GFPT1: variants seen among roughly 807,000 people sequenced by gnomAD.
GFPT1 encodes the protein glutamine--fructose-6-phosphate transaminase 1.
In GFPT1, 40 loss-of-function variants were observed where a neutral mutation model predicts 92.0. The observed-to-expected ratio is 0.43, with a 90% confidence interval of 0.34 to 0.57. GFPT1 has a LOEUF of 0.57. GFPT1 is among the 20% of genes least tolerant of loss of function. The pLI is 0.02. For synonymous variants in GFPT1, 269 were observed against 280.6 expected (o/e 0.96, Z 0.41); for missense variants, 448 against 869.1 (o/e 0.52, Z 6.09).
intron 3 of GFPT1, among the ~76,000 whole-genome samples, chr2:69,365,055 C>A (rs1671576507): frequency 1.5e-5 from 2 of 136,480 alleles, no homozygotes; most frequent in Non-Finnish European, 3.1e-5. Flanking sequence ...TATAAGCTAT[C>A]TTTTCTTGGG....
intron 12 of GFPT1, among the ~76,000 whole-genome samples, chr2:69,342,450 G>A (rs1053767436): frequency 6.6e-6 from 1 of 152,182 alleles, no homozygotes; most frequent in African/African-American, 2.4e-5. Flanking sequence ...CCCCAAACTT[G>A]TAACTGACCT....
intron 7 of GFPT1, among the ~76,000 whole-genome samples, chr2:69,356,242 C>T (rs374154884): frequency 6.6e-6 from 1 of 152,052 alleles, no homozygotes; most frequent in African/African-American, 2.4e-5. Context: ...GATCCGCCTG[C>T]CTCGACCTCC....
intron 15 of GFPT1, 63 bp downstream of exon 15, chr2:69,337,835 G>T: frequency 2.3e-6 from 3 of 1,306,854 alleles, no homozygotes; most frequent in South Asian, 1.2e-5. Flanking sequence ...CTAGTCTACA[G>T]ACTAGTCTGC....
At position 69,384,715 on chromosome 2, in the gene GFPT1, AAAAAGAAAGAAAG is replaced by A. The variant is rs1672090183; in HGVS notation, c.7+2337_7+2349del. 9.3e-5 allele frequency among the ~76,000 whole-genome samples: 14 copies of A among 151,176 alleles called. No individual in the cohort carries two copies. The South Asian group carries it at 2.5e-3, about 27-fold the overall frequency. ...TCACAAAAAAAAAAAAAAAAAAAGA[AAAAAGAAAGAAAG>A]AAAAGAAAGAAGAGAAAGAAAGAAA... On this transcript the variant is annotated intron_variant, in intron 1 of 19. Transcript: ENST00000357308.
intron 18 of GFPT1, 126 bp from the exon 19 acceptor site, chr2:69,327,201 T>C (rs569580089): frequency 1.3e-6 from 1 of 780,606 alleles, no homozygotes; most frequent in Non-Finnish European, 2.3e-6. Context: ...TTCTTTAAAT[T>C]CCTGTGTAGT....
In GFPT1 at chr2:69,354,628, T is replaced by A. The variant is rs74515430; in HGVS notation, c.606-60A>T. The A allele has an allele frequency of 1.3e-3, 1,224 of 928,606 alleles. 16 individuals are homozygous for A. In the East Asian group the frequency reaches 0.027, roughly 20 times the overall value. 57.5% of individuals were successfully genotyped at this position (928,606 alleles called of 1,614,324 possible). ...TTTTATAAATAATGGACTAATGACATAAAATTTAATGGGCCAATACTCTTC... is the reference window on the plus strand; with the variant it reads ...TTTTATAAATAATGGACTAATGACAAAAAATTTAATGGGCCAATACTCTTC... On this transcript the variant is annotated intron_variant, in intron 7 of 19. Coordinates refer to ENST00000357308, the MANE Select transcript of GFPT1 (RefSeq NM_001244710.2).
intron 13 of GFPT1, 88 bp downstream of exon 13, chr2:69,342,064 A>G: frequency 1.4e-6 from 1 of 700,808 alleles, no homozygotes; most frequent in Non-Finnish European, 2.4e-6. Flanking sequence ...AACAAAACAT[A>G]GTTTTACACA....
rs538393798 is a variant in GFPT1 at position 69,322,719 on chromosome 2, A to G, written c.*3470T>C. 1.3e-5 allele frequency: 2 copies of G among 152,352 alleles called. No homozygotes were observed. The highest frequency in any genetic ancestry group is 3.9e-4 in the East Asian group (2 of 5,194). 9.4% of individuals were successfully genotyped at this position (152,352 alleles called of 1,614,324 possible). A position where few individuals can be genotyped will look rare whatever the true frequency, so the allele number is the denominator to read the frequency against. The stretch of plus-strand genomic sequence containing the variant: ...CACCAAGCACCAGTTCCCTTTGGGT[A>G]GCAGTAATGCTTGTTTTTCATCTTT... On this transcript the variant is annotated 3_prime_UTR_variant, in exon 20 of 20. Transcript: ENST00000357308.
intron 1 of GFPT1, among the ~76,000 whole-genome samples, chr2:69,383,303 C>T (rs1236347348): frequency 6.6e-6 from 1 of 152,180 alleles, no homozygotes; most frequent in Non-Finnish European, 1.5e-5. Flanking sequence ...AAACCCTTTC[C>T]CGCCTTCTAC....
chr2:69,340,139 ACTTTTT>A lies in GFPT1; in HGVS notation c.1204-1580_1204-1575del, dbSNP rs770016285. Reference sequence around the variant, plus strand: ...ATAGTTTATTATTTTAGTTGGGGCAACTTTTTTTTTTTTTTTTTTTTTTTTGGTTAA... The same window carrying A: ...ATAGTTTATTATTTTAGTTGGGGCAATTTTTTTTTTTTTTTTTTTGGTTAA... On this transcript the variant is annotated intron_variant, in intron 13 of 19. Coordinates refer to ENST00000357308, the MANE Select transcript of GFPT1 (RefSeq NM_001244710.2). 5.2e-4 allele frequency among the ~76,000 whole-genome samples: 65 copies of A among 124,160 alleles called. 1 individual carries two copies. Among genetic ancestry groups the A allele is most frequent in the Non-Finnish European group, 6.1e-4 (38 of 62,682 alleles). 81.5% of individuals were successfully genotyped at this position (124,160 alleles called of 152,430 possible). A position where few individuals can be genotyped will look rare whatever the true frequency, so the allele number is the denominator to read the frequency against.
chr2:69,374,609 G>C (rs1401531061), intron 1 of GFPT1, among the ~76,000 whole-genome samples: 2 of 152,104 alleles, frequency 1.3e-5, no homozygotes, highest in East Asian at 3.9e-4. Flanking sequence ...CACTGCACCT[G>C]GCAAAGAAGC....
intron 1 of GFPT1, among the ~76,000 whole-genome samples, chr2:69,380,722 T>C (rs905699000): frequency 2.0e-5 from 3 of 152,226 alleles, no homozygotes; most frequent in Non-Finnish European, 2.9e-5. Flanking sequence ...CTGGGTCCAC[T>C]GTGCTCTGAC....
intron 1 of GFPT1, among the ~76,000 whole-genome samples, chr2:69,384,541 A>T (rs1672082248): frequency 1.3e-5 from 2 of 151,796 alleles, no homozygotes; most frequent in Admixed American, 1.3e-4. Flanking sequence ...GTGAAACCCC[A>T]CCTCTACCAA....
chr2:69,356,741 A>ATT (rs67434964), intron 6 of GFPT1, among the ~76,000 whole-genome samples, 184 bp from the exon 7 acceptor site: 2 of 143,384 alleles, frequency 1.4e-5, no homozygotes, highest in African/African-American at 5.2e-5. Flanking sequence ...CAAGACCCAC[A>ATT]TTTTTTTTTT....
At position 69,375,935 on chromosome 2, in the gene GFPT1, T is replaced by C. The variant is rs948467444; in HGVS notation, c.8-1822A>G. 3.9e-5 allele frequency among the ~76,000 whole-genome samples: 6 copies of C among 152,330 alleles called. No individual in the cohort carries two copies. In the South Asian group the frequency reaches 8.3e-4, roughly 21 times the overall value. ...CAACTTTCAATGGCTACTCATGATA[T>C]AAACACTAGAGGGCAGCAGAAGAGT... On this transcript the variant is annotated intron_variant, in intron 1 of 19. Coordinates refer to ENST00000357308, the MANE Select transcript of GFPT1 (RefSeq NM_001244710.2).
intron 4 of GFPT1, among the ~76,000 whole-genome samples, chr2:69,361,818 A>G (rs1283210101): frequency 1.3e-5 from 2 of 152,068 alleles, no homozygotes; most frequent in Non-Finnish European, 2.9e-5. Flanking sequence ...TATCTCTACA[A>G]AAATAAAATA....
chr2:69,351,794 T>C (rs1179160767), intron 9 of GFPT1, among the ~76,000 whole-genome samples: 9 of 152,072 alleles, frequency 5.9e-5, no homozygotes, highest in Non-Finnish European at 1.0e-4. Flanking sequence ...AAAAATAACA[T>C]ATTAGTGTTT....
Position 69,327,089 on chromosome 2 carries a change from T to C in GFPT1, c.1894-14A>G, listed in dbSNP as rs775899275. On this transcript the variant is annotated splice_polypyrimidine_tract_variant and intron_variant, in intron 18 of 19. Transcript: ENST00000357308. Reference sequence around the variant, plus strand: ...CACAGGCCGCCCCTAGGAAAGAAAATCACACACATACACAACATCACTGGT... The same window carrying C: ...CACAGGCCGCCCCTAGGAAAGAAAACCACACACATACACAACATCACTGGT... 37 of 1,613,056 alleles carry C rather than the reference T, an allele frequency of 2.3e-5. No homozygotes were observed. The Admixed American group carries it at 6.2e-4, about 27-fold the overall frequency.
chr2:69,342,601 G>A (rs1392604263), intron 12 of GFPT1, among the ~76,000 whole-genome samples: 1 of 152,162 alleles, frequency 6.6e-6, no homozygotes, highest in Non-Finnish European at 1.5e-5. Context: ...AGATGTAGAG[G>A]GCTGGAGCTG....
Sources: gnomAD v4.1 joint callset for allele counts (sites outside exome capture counted in the v4.1 genomes callset) on GRCh38, gnomAD v4.1.1 for gene constraint, MANE v1.5 for transcripts, NCBI Gene and HGNC (gene_info 2026-07-23, HGNC 2026-07-21) for gene names.